GTPBP1: variants seen among roughly 807,000 people sequenced by gnomAD.
The protein encoded by GTPBP1 is GTP binding protein 1.
A neutral mutation model predicts 62.0 loss-of-function variants in GTPBP1; 23 were observed. The observed-to-expected ratio is 0.37, with a 90% CI of 0.27 to 0.53. The LOEUF (loss-of-function observed/expected upper bound fraction) is 0.53. Ranked by LOEUF, GTPBP1 falls within the 20% of genes least tolerant of loss-of-function variation. The pLI, the probability that GTPBP1 is intolerant of heterozygous loss-of-function variation, is 0.89. For synonymous variants in GTPBP1, 344 were observed against 364.4 expected (o/e 0.94, Z 0.64); for missense variants, 640 against 917.3 (o/e 0.70, Z 3.90).
intron 6 of GTPBP1, among the ~76,000 whole-genome samples, chr22:38,724,624 G>A (rs1399083049): frequency 2.6e-5 from 4 of 152,152 alleles, no homozygotes; most frequent in Admixed American, 2.0e-4. Flanking sequence ...GTAATATCAC[G>A]TAACCCAGAT....
Position 38,730,855 on chromosome 22 carries a change from G to A in GTPBP1, c.*151G>A, listed in dbSNP as rs2092754859. The A allele has an allele frequency of 7.1e-6, 4 of 562,834 alleles. No individual in the cohort carries two copies. The highest frequency in any genetic ancestry group is 1.2e-5 in the Non-Finnish European group (4 of 320,352). The allele number at this position is 562,834 out of a possible 1,614,324, so 34.9% of individuals were successfully genotyped here. On this transcript the variant is annotated 3_prime_UTR_variant, in exon 12 of 12. Transcript: ENST00000216044. This position sits in a 1 kb window ranked among gnomAD's most constrained non-coding sequence, Gnocchi z 5.6. ...ATTGCCCCCACCCCCATTTTCCAGG[G>A]GGGTTGTAATTTATAAGCTGACGAA...
downstream of GTPBP1, chr22:38,742,224 T>A (rs1432554806): frequency 6.7e-7 from 1 of 1,497,478 alleles, no homozygotes; most frequent in Admixed American, 2.2e-5. Flanking sequence ...TGACACTTGT[T>A]CTCTCTGCTG....
chr22:38,724,512 A>G, intron 6 of GTPBP1, 101 bp downstream of exon 6: 3 of 704,278 alleles, frequency 4.3e-6, no homozygotes, highest in Non-Finnish European at 7.9e-6. Context: ...ATAAGGTCTC[A>G]TGAAAACACC....
At chr22:38,724,449 T>G (rs2092716634) in intron 6 of GTPBP1, 38 bp downstream of exon 6, 1 of 1,240,396 alleles carries the variant, frequency 8.1e-7, no homozygotes, top group South Asian at 1.2e-5. Context: ...ACAGGCACCC[T>G]TGCAGGCAGG....
downstream of GTPBP1, chr22:38,735,408 A>G: frequency 2.8e-6 from 1 of 352,316 alleles, no homozygotes; most frequent in Non-Finnish European, 5.6e-6. Flanking sequence ...TCTTCTTGCT[A>G]TAACCCCAGA....
downstream of GTPBP1, chr22:38,741,393 C>A (rs755129553): frequency 8.8e-6 from 11 of 1,245,692 alleles, 1 homozygote; most frequent in Non-Finnish European, 1.3e-5. Context: ...CCCCATGCAA[C>A]ACCCAAACAG....
At chr22:38,739,542 G>A, downstream of GTPBP1, 1 of 1,359,754 alleles carries the variant, frequency 7.4e-7, no homozygotes, top group Non-Finnish European at 1.0e-6. The surrounding 1 kb of genome is among the most constrained non-coding windows in gnomAD (Gnocchi z 6.7). Flanking sequence ...GCACTGTGCT[G>A]GTGCCCAGGC....
downstream of GTPBP1, chr22:38,738,333 C>T (rs2092825187): frequency 7.3e-7 from 1 of 1,363,710 alleles, no homozygotes; most frequent in South Asian, 1.2e-5. The surrounding 1 kb of genome is among the most constrained non-coding windows in gnomAD (Gnocchi z 6.6). Context: ...CACTCCAATC[C>T]CTGCTCCTCC....
downstream of GTPBP1, among the ~76,000 whole-genome samples, chr22:38,733,767 G>A (rs2092777283): frequency 6.6e-6 from 1 of 152,238 alleles, no homozygotes; most frequent in Admixed American, 6.5e-5. Flanking sequence ...ACGCACAGGG[G>A]CAGCACAGGT....
chr22:38,722,561 G>A (rs906221164), intron 5 of GTPBP1, among the ~76,000 whole-genome samples: 3 of 152,106 alleles, frequency 2.0e-5, no homozygotes, highest in Admixed American at 6.5e-5. Context: ...TACCAATAAA[G>A]GATTCCTTAT....
At position 38,716,434 on chromosome 22, in the gene GTPBP1, G is replaced by A. The variant is rs1476889207; in HGVS notation, c.486-218G>A. 1.3e-5 allele frequency among the ~76,000 whole-genome samples: 2 copies of A among 152,184 alleles called. No homozygotes were observed. Among genetic ancestry groups the A allele is most frequent in the Non-Finnish European group, 2.9e-5 (2 of 68,036 alleles). On this transcript the variant is annotated intron_variant, in intron 3 of 11. Coordinates refer to ENST00000216044, the MANE Select transcript of GTPBP1 (RefSeq NM_004286.5). The surrounding 1 kb of genome is among the most constrained non-coding windows in gnomAD (Gnocchi z 5.2). ...ACCCAGAAGCTAGTGGGAGTTAAGG[G>A]AGATAGCCGCTGTGGGAGTCTGGGC...
intron 5 of GTPBP1, among the ~76,000 whole-genome samples, chr22:38,722,203 G>GGATCATGCATGAACT (rs1479357807): frequency 2.0e-5 from 3 of 151,988 alleles, no homozygotes; most frequent in Admixed American, 1.3e-4. Context: ...CAAGCATGAG[G>GGATCATGCATGAACT]GATCATGCAT....
Position 38,717,259 on chromosome 22 carries a change from T to C in GTPBP1, c.834+259T>C, listed in dbSNP as rs552555092. 7.2e-5 allele frequency among the ~76,000 whole-genome samples: 11 copies of C among 152,344 alleles called. No individual in the cohort carries two copies. The East Asian group carries it at 1.9e-3, about 27-fold the overall frequency. On this transcript the variant is annotated intron_variant, in intron 4 of 11. Coordinates refer to ENST00000216044, the MANE Select transcript of GTPBP1 (RefSeq NM_004286.5). Reference sequence around the variant, plus strand: ...CAGGTACCCTTGAAGACCTGTCTTATTTTTTGCAGAGGCATAGAGGAGGGT... The same window carrying C: ...CAGGTACCCTTGAAGACCTGTCTTACTTTTTGCAGAGGCATAGAGGAGGGT...
At chr22:38,713,497 G>A (rs1390040540) in intron 2 of GTPBP1, among the ~76,000 whole-genome samples, 3 of 152,162 alleles carry the variant, frequency 2.0e-5, no homozygotes. Context: ...TGGCAAAAAG[G>A]GCAGACATCA....
intron 2 of GTPBP1, 88 bp from the exon 3 acceptor site, chr22:38,715,819 T>C: frequency 9.0e-7 from 1 of 1,113,686 alleles, no homozygotes. Context: ...GGTGGTGGCC[T>C]TTGTTAGGTG....
At position 38,733,158 on chromosome 22, in the gene GTPBP1, G is replaced by C. The variant is rs1329776742; in HGVS notation, c.*2454G>C. The C allele has an allele frequency of 6.6e-6, 1 of 152,260 alleles. No individual in the cohort carries two copies. Among genetic ancestry groups the C allele is most frequent in the Non-Finnish European group, 1.5e-5 (1 of 68,078 alleles). 9.4% of individuals were successfully genotyped at this position (152,260 alleles called of 1,614,324 possible). On this transcript the variant is annotated 3_prime_UTR_variant, in exon 12 of 12. Transcript: ENST00000216044. ...CTTGGCTGCTTCACTCCTGCTCTTTGTCCCGACTCTGGCCCTGCTTACAGG... is the reference window on the plus strand; with the variant it reads ...CTTGGCTGCTTCACTCCTGCTCTTTCTCCCGACTCTGGCCCTGCTTACAGG...
At chr22:38,728,222 GA>G in intron 10 of GTPBP1, 61 bp downstream of exon 10, 1 of 1,206,310 alleles carries the variant, frequency 8.3e-7, no homozygotes, top group Non-Finnish European at 1.2e-6. Context: ...CCTGTTCTGT[GA>G]CCCTGAGTGC....
At chr22:38,717,080 T>C (rs1023658897) in intron 4 of GTPBP1, 80 bp downstream of exon 4, 9 of 865,712 alleles carry the variant, frequency 1.0e-5, no homozygotes, top group Non-Finnish European at 1.7e-5. Context: ...GAAACTGTTC[T>C]GAGACTGAGG....
chr22:38,726,223 A>T lies in GTPBP1; in HGVS notation c.1219-35A>T. 6.2e-7 allele frequency: 1 copy of T among 1,612,124 alleles called. No homozygotes were observed. The highest frequency in any genetic ancestry group is 8.5e-7 in the Non-Finnish European group (1 of 1,178,634). ...ATCAGGGGGTGGGTCTGTGCTGGGG[A>T]TGCACTTATGAGGCCAGGGTCTTCT... On this transcript the variant is annotated intron_variant, in intron 7 of 11. Coordinates refer to ENST00000216044, the MANE Select transcript of GTPBP1 (RefSeq NM_004286.5). This position sits in a 1 kb window ranked among gnomAD's most constrained non-coding sequence, Gnocchi z 4.1.
Sources: allele counts gnomAD v4.1 joint callset (sites outside exome capture counted in the v4.1 genomes callset), GRCh38; gene constraint gnomAD v4.1.1; non-coding constraint Gnocchi (gnomAD v3.1); transcripts MANE v1.5; gene names NCBI Gene and HGNC (gene_info 2026-07-23, HGNC 2026-07-21).